CPA5: variants seen among roughly 807,000 people sequenced by gnomAD.
CPA5 encodes testicular tissue protein Li 32.
CPA5 carries 38 observed loss-of-function variants against 52.2 expected under a neutral mutation model. The ratio of observed to expected loss-of-function variants is 0.73; its 90% CI spans 0.56 to 0.95. CPA5 has a LOEUF of 0.95. Ranked by LOEUF, CPA5 falls within the 40% of genes least tolerant of loss-of-function variation. The pLI, the probability that CPA5 is intolerant of heterozygous loss-of-function variation, is 0.00. For synonymous variants in CPA5, 198 were observed against 213.7 expected (o/e 0.93, Z 0.64); for missense variants, 519 against 566.7 (o/e 0.92, Z 0.86).
chr7:130,368,380 T>A (rs1554409181), intron 12 of CPA5, 30 bp from the exon 13 acceptor site: 1 of 1,608,846 alleles, frequency 6.2e-7, no homozygotes, highest in East Asian at 2.2e-5. Flanking sequence ...CTTCCTTTTG[T>A]GGGGCACATT....
At chr7:130,355,362 A>C (rs1215868200) in intron 5 of CPA5, among the ~76,000 whole-genome samples, 2 of 152,164 alleles carry the variant, frequency 1.3e-5, no homozygotes, top group Non-Finnish European at 2.9e-5. Context: ...AGCATTTAGC[A>C]TGTATTAACC....
chr7:130,349,577 A>G (rs1794999277), intron 4 of CPA5, among the ~76,000 whole-genome samples: 1 of 152,178 alleles, frequency 6.6e-6, no homozygotes, highest in Non-Finnish European at 1.5e-5. Flanking sequence ...GTGTACTTGG[A>G]GTACTTGGAT....
At chr7:130,354,689 T>C (rs963758544) in intron 5 of CPA5, among the ~76,000 whole-genome samples, 2 of 152,076 alleles carry the variant, frequency 1.3e-5, no homozygotes, top group African/African-American at 4.8e-5. Context: ...GCAGGGATCA[T>C]AGGCGTGAAC....
At chr7:130,371,304 T>C (rs1796292243), downstream of CPA5, among the ~76,000 whole-genome samples, 1 of 152,242 alleles carries the variant, frequency 6.6e-6, no homozygotes, top group South Asian at 2.1e-4. Context: ...GAGGCAGGAC[T>C]ATTACTGTCC....
At chr7:130,368,920 A>G (rs1796249916), downstream of CPA5, among the ~76,000 whole-genome samples, 1 of 152,180 alleles carries the variant, frequency 6.6e-6, no homozygotes, top group Non-Finnish European at 1.5e-5. Context: ...AGGGCCCGGA[A>G]CACAGAAGGC....
chr7:130,358,519 TA>T (rs781987618), intron 5 of CPA5, among the ~76,000 whole-genome samples: 3 of 152,158 alleles, frequency 2.0e-5, no homozygotes, highest in Non-Finnish European at 4.4e-5. Context: ...ATCATGAACA[TA>T]AAGAAGCTTG....
intron 5 of CPA5, among the ~76,000 whole-genome samples, chr7:130,357,952 CTGTGTGTGTG>C (rs60840017): frequency 0.14 from 19,843 of 139,964 alleles, 1,504 homozygotes; most frequent in African/African-American, 0.2. Flanking sequence ...TTTTGTGCCT[CTGTGTGTGTG>C]TGTGTGTGTG....
intron 1 of CPA5, 65 bp downstream of exon 1, chr7:130,345,270 A>T (rs1794665612): frequency 6.6e-6 from 1 of 152,128 alleles, no homozygotes; most frequent in African/African-American, 2.4e-5. Context: ...ATAGCCAGTT[A>T]ATCGGCCATT....
chr7:130,349,584 G>A (rs1198042829), intron 4 of CPA5, among the ~76,000 whole-genome samples: 2 of 152,042 alleles, frequency 1.3e-5, no homozygotes, highest in Non-Finnish European at 2.9e-5. Context: ...TGGAGTACTT[G>A]GATTGTCTGT....
chr7:130,362,425 T>C lies in CPA5; in HGVS notation c.535-13T>C. 1.3e-6 allele frequency: 2 copies of C among 1,599,706 alleles called. No homozygotes were observed. Among genetic ancestry groups the C allele is most frequent in the Non-Finnish European group, 1.7e-6 (2 of 1,168,132 alleles). ...GTTCAAACCTCGGTTTGGGGCCCGA[T>C]TCTTTTTCTCAGTTCAGCACTGGAG... On this transcript the variant is annotated splice_polypyrimidine_tract_variant and intron_variant, in intron 7 of 12. Transcript: ENST00000474905.
In CPA5 at chr7:130,346,377, T is replaced by C; in HGVS notation, c.-93-16T>C. The C allele has an allele frequency of 1.3e-6, 1 of 774,120 alleles. No homozygotes were observed. Among genetic ancestry groups the C allele is most frequent in the Admixed American group, 2.4e-5 (1 of 41,310 alleles). The allele number at this position is 774,120 out of a possible 1,614,324, so 48.0% of individuals were successfully genotyped here. A position where few individuals can be genotyped will look rare whatever the true frequency, so the allele number is the denominator to read the frequency against. The stretch of plus-strand genomic sequence containing the variant: ...CACATGCTGGGTGCCCCAGACAGCC[T>C]AATGCTCTTTCTCAGGCTGGGCTTT... On this transcript the variant is annotated splice_polypyrimidine_tract_variant and intron_variant, in intron 2 of 12. Coordinates refer to ENST00000474905, the MANE Select transcript of CPA5 (RefSeq NM_080385.5).
At chr7:130,348,925 C>T (rs554995610) in intron 4 of CPA5, among the ~76,000 whole-genome samples, 6 of 152,248 alleles carry the variant, frequency 3.9e-5, no homozygotes, top group Admixed American at 1.3e-4. Context: ...GATGAAGTCT[C>T]GCACCTGCAC....
At chr7:130,356,729 G>A (rs1426511890) in intron 5 of CPA5, among the ~76,000 whole-genome samples, 1 of 152,190 alleles carries the variant, frequency 6.6e-6, no homozygotes. Flanking sequence ...TCTTCCTGTG[G>A]GTGTCCCAGG....
the CPA5 span, among the ~76,000 whole-genome samples, chr7:130,374,551 G>A: frequency 6.6e-6 from 1 of 152,180 alleles, no homozygotes; most frequent in African/African-American, 2.4e-5. Context: ...AACTTTACTT[G>A]GGATATGGAA....
chr7:130,346,711 A>C, intron 3 of CPA5, 110 bp downstream of exon 3: 1 of 846,404 alleles, frequency 1.2e-6, no homozygotes, highest in South Asian at 1.6e-5. Flanking sequence ...GAGAGTCAGG[A>C]TGTGGGTTCC....
At chr7:130,369,384 C>T (rs1034692704), downstream of CPA5, among the ~76,000 whole-genome samples, 7 of 152,324 alleles carry the variant, frequency 4.6e-5, no homozygotes, top group African/African-American at 1.7e-4. Context: ...AAGACTCCTT[C>T]CCCCAGCCCC....
Position 130,362,431 on chromosome 7 carries a change from T to C in CPA5, c.535-7T>C. ...ACCTCGGTTTGGGGCCCGATTCTTT[T>C]TCTCAGTTCAGCACTGGAGGTTCTC... On this transcript the variant is annotated splice_region_variant and splice_polypyrimidine_tract_variant and intron_variant, in intron 7 of 12. Coordinates refer to ENST00000474905, the MANE Select transcript of CPA5 (RefSeq NM_080385.5). 6.2e-7 allele frequency: 1 copy of C among 1,606,114 alleles called. No individual in the cohort carries two copies. The highest frequency in any genetic ancestry group is 1.1e-5 in the South Asian group (1 of 90,796).
chr7:130,360,236 C>T (rs527403297), intron 6 of CPA5, among the ~76,000 whole-genome samples: 5 of 152,370 alleles, frequency 3.3e-5, no homozygotes, highest in African/African-American at 1.2e-4. Context: ...ATATCCAATC[C>T]TCCAGCTAGG....
At chr7:130,346,961 C>T (rs1288241191) in intron 3 of CPA5, among the ~76,000 whole-genome samples, 11 of 152,224 alleles carry the variant, frequency 7.2e-5, no homozygotes, top group Admixed American at 7.2e-4. Flanking sequence ...CACAAGACTA[C>T]ATACCCCTAC....
Sources: gnomAD v4.1 joint callset for allele counts (sites outside exome capture counted in the v4.1 genomes callset) on GRCh38, gnomAD v4.1.1 for gene constraint, MANE v1.5 for transcripts, NCBI Gene and HGNC (gene_info 2026-07-23, HGNC 2026-07-21) for gene names.